LDLRAD4: variants seen among roughly 807,000 people sequenced by gnomAD.
LDLRAD4 encodes the protein low density lipoprotein receptor class A domain containing 4, also known as low-density lipoprotein receptor class A domain-containing protein 4.
A neutral mutation model predicts 17.0 loss-of-function variants in LDLRAD4; 5 were observed. That is an observed-to-expected ratio of 0.29 (90% confidence interval 0.15 to 0.62). The LOEUF (loss-of-function observed/expected upper bound fraction) is 0.62. LDLRAD4 is among the 20% of genes least tolerant of loss of function. The pLI, the probability that LDLRAD4 is intolerant of heterozygous loss-of-function variation, is 0.84. For missense variants in LDLRAD4, 340 were observed against 424.7 expected (o/e 0.80, Z 1.75); for synonymous variants, 168 against 171.8 (o/e 0.98, Z 0.17).
rs1406939881 is a variant in LDLRAD4 at position 13,452,946 on chromosome 18, G to A, written c.181+14562G>A. Among the ~76,000 whole-genome samples, 3 of 152,086 alleles carry A rather than the reference G, an allele frequency of 2.0e-5. No individual in the cohort carries two copies. The East Asian group carries it at 5.8e-4, about 29-fold the overall frequency. On this transcript the variant is annotated intron_variant, in intron 3 of 5. Transcript: ENST00000359446. Reference sequence around the variant, plus strand: ...TCCTGGGGCAAGTGAGGGGGACCACGGGGGATGCTACATGGAATGCTGCTT... The same window carrying A: ...TCCTGGGGCAAGTGAGGGGGACCACAGGGGATGCTACATGGAATGCTGCTT...
intron 3 of LDLRAD4, chr18:13,484,055 TTGCCA>T (rs1174838338): frequency 6.6e-6 from 1 of 152,272 alleles, no homozygotes; most frequent in East Asian, 1.9e-4. Context: ...CAAAAGCCCC[TTGCCA>T]TCCCTGTGTG....
At chr18:13,267,193 G>A (rs1242834112) in intron 1 of LDLRAD4, among the ~76,000 whole-genome samples, 1 of 152,218 alleles carries the variant, frequency 6.6e-6, no homozygotes, top group East Asian at 1.9e-4. Context: ...TTTTTGGTAT[G>A]TAATTATGTA....
intron 1 of LDLRAD4, among the ~76,000 whole-genome samples, chr18:13,222,433 G>A (rs1359817334): frequency 6.6e-6 from 1 of 151,942 alleles, no homozygotes; most frequent in Non-Finnish European, 1.5e-5. Context: ...GAAACTTTAA[G>A]TTTGTCAGAC....
intron 3 of LDLRAD4, among the ~76,000 whole-genome samples, chr18:13,528,395 CTCCGCTTCACAGGT>C (rs1245242248): frequency 6.6e-6 from 1 of 152,200 alleles, no homozygotes; most frequent in Non-Finnish European, 1.5e-5. Flanking sequence ...TCACTGCAAC[CTCCGCTTCACAGGT>C]TCAAGCAATT....
At chr18:13,632,924 C>A (rs1235075670) in intron 4 of LDLRAD4, among the ~76,000 whole-genome samples, 1 of 152,242 alleles carries the variant, frequency 6.6e-6, no homozygotes, top group Non-Finnish European at 1.5e-5. Flanking sequence ...TGGGTAGCTC[C>A]TTTCCCCAGA....
intron 3 of LDLRAD4, among the ~76,000 whole-genome samples, chr18:13,534,375 C>CT (rs2094172004): frequency 6.6e-6 from 1 of 152,170 alleles, no homozygotes; most frequent in African/African-American, 2.4e-5. Context: ...GTTGTTAAAT[C>CT]ACCCTGTGTT....
chr18:13,303,802 G>A (rs943080836), intron 1 of LDLRAD4, among the ~76,000 whole-genome samples: 1 of 152,160 alleles, frequency 6.6e-6, no homozygotes, highest in African/African-American at 2.4e-5. Flanking sequence ...TCTTTCTGGG[G>A]ACCTCTTGTT....
intron 1 of LDLRAD4, among the ~76,000 whole-genome samples, chr18:13,229,884 A>G (rs1272257842): frequency 6.6e-6 from 1 of 152,238 alleles, no homozygotes; most frequent in East Asian, 1.9e-4. Flanking sequence ...GGAAGATGTG[A>G]GTAGACCTGC....
chr18:13,255,998 C>A (rs372944217), intron 1 of LDLRAD4, among the ~76,000 whole-genome samples: 5 of 152,140 alleles, frequency 3.3e-5, no homozygotes, highest in African/African-American at 1.2e-4. Flanking sequence ...GCCTAACTTT[C>A]GTGCTTGCTA....
chr18:13,571,086 C>T lies in LDLRAD4; in HGVS notation c.182-50031C>T, dbSNP rs545529872. Among the ~76,000 whole-genome samples, 434 of 152,314 alleles carry T rather than the reference C, an allele frequency of 2.8e-3. 6 individuals are homozygous for T. Among genetic ancestry groups the T allele is most frequent in the Middle Eastern group, 0.014 (4 of 294 alleles). On this transcript the variant is annotated intron_variant, in intron 3 of 5. Transcript: ENST00000359446. ...CCTCCCGCCTCAGCCTCCTGAAGTG[C>T]TGGGATTACAGGCATGAGCCACCAC...
chr18:13,546,717 A>C (rs16940798), intron 3 of LDLRAD4, among the ~76,000 whole-genome samples: 2,485 of 152,222 alleles, frequency 0.016, 61 homozygotes, highest in African/African-American at 0.055. Flanking sequence ...ATTAGGCCTG[A>C]TGCTGTCGGG....
At chr18:13,318,469 T>TC (rs1379115639) in intron 1 of LDLRAD4, among the ~76,000 whole-genome samples, 1 of 152,114 alleles carries the variant, frequency 6.6e-6, no homozygotes, top group African/African-American at 2.4e-5. Flanking sequence ...ACCATACTGG[T>TC]CAGGCTGGTC....
intron 4 of LDLRAD4, among the ~76,000 whole-genome samples, chr18:13,638,516 A>G (rs1318723491): frequency 6.6e-6 from 1 of 152,202 alleles, no homozygotes; most frequent in Non-Finnish European, 1.5e-5. Context: ...GGCAGTGCAC[A>G]TACAAGAGGC....
chr18:13,410,537 A>T (rs555915643), intron 2 of LDLRAD4, among the ~76,000 whole-genome samples: 1 of 152,200 alleles, frequency 6.6e-6, no homozygotes, highest in Non-Finnish European at 1.5e-5. Context: ...TTTAATTGAC[A>T]TTCAGTTTTG....
chr18:13,277,711 G>A (rs1396189481), upstream of LDLRAD4, among the ~76,000 whole-genome samples: 1 of 152,236 alleles, frequency 6.6e-6, no homozygotes, highest in Non-Finnish European at 1.5e-5. Flanking sequence ...TGTCGTGAAA[G>A]AAGATGGTCT....
At chr18:13,516,369 G>A (rs2093866650) in intron 3 of LDLRAD4, among the ~76,000 whole-genome samples, 3 of 152,202 alleles carry the variant, frequency 2.0e-5, no homozygotes, top group Non-Finnish European at 4.4e-5. Context: ...CTTACAGGAA[G>A]TTCTAGCCCT....
intron 3 of LDLRAD4, among the ~76,000 whole-genome samples, chr18:13,474,856 AT>A (rs2092898382): frequency 1.3e-5 from 2 of 152,208 alleles, no homozygotes; most frequent in African/African-American, 2.4e-5. Flanking sequence ...GACCCAGGAA[AT>A]GTGCGGCCCA....
At chr18:13,267,219 A>G (rs753748875) in intron 1 of LDLRAD4, among the ~76,000 whole-genome samples, 3 of 152,214 alleles carry the variant, frequency 2.0e-5, no homozygotes, top group Non-Finnish European at 2.9e-5. Flanking sequence ...AGAGTGATAC[A>G]CTTTTTTTTT....
At chr18:13,613,798 C>T (rs2039828097) in intron 3 of LDLRAD4, 1 of 152,288 alleles carries the variant, frequency 6.6e-6, no homozygotes, top group Non-Finnish European at 1.5e-5. Context: ...GTCCAAGGCA[C>T]CTGGCCTTGG....
Sources: allele counts gnomAD v4.1 joint callset (sites outside exome capture counted in the v4.1 genomes callset), GRCh38; gene constraint gnomAD v4.1.1; transcripts MANE v1.5; gene names NCBI Gene and HGNC (gene_info 2026-07-23, HGNC 2026-07-21).